RAB11FIP3: variants seen among roughly 807,000 people sequenced by gnomAD.
The protein encoded by RAB11FIP3 is rab11 family-interacting protein 3.
A neutral mutation model predicts 77.8 loss-of-function variants in RAB11FIP3; 17 were observed. The ratio of observed to expected loss-of-function variants is 0.22; its 90% confidence interval spans 0.15 to 0.33. RAB11FIP3 has a LOEUF of 0.33. Among genes scored for constraint, RAB11FIP3 ranks in the 10% least tolerant of loss-of-function variants. The pLI, the probability that RAB11FIP3 is intolerant of heterozygous loss-of-function variation, is 1.00. For synonymous variants in RAB11FIP3, 437 were observed against 448.2 expected, an observed-to-expected ratio of 0.98 and a Z score of 0.31; for missense variants, 1,005 against 1,011.2, an observed-to-expected ratio of 0.99 and a Z score of 0.08.
intron 3 of RAB11FIP3, among the ~76,000 whole-genome samples, chr16:476,125 G>A (rs1356749886): frequency 1.3e-5 from 2 of 152,210 alleles, no homozygotes; most frequent in African/African-American, 4.8e-5. Flanking sequence ...CAAAGTGCTG[G>A]GATTACAGTG....
intron 1 of RAB11FIP3, among the ~76,000 whole-genome samples, chr16:445,113 C>CAAAAAA (rs56706849): frequency 1.1e-4 from 8 of 70,796 alleles, no homozygotes; most frequent in East Asian, 4.1e-4. Context: ...GACTCTGTCT[C>CAAAAAA]AAAAAAAAAA....
In RAB11FIP3 at chr16:438,775, C is replaced by T. The variant is rs1415363751; in HGVS notation, c.714+12055C>T. Among the ~76,000 whole-genome samples, 23 of 151,966 alleles carry T rather than the reference C, an allele frequency of 1.5e-4. No individual in the cohort carries two copies. In the East Asian group the frequency reaches 1.5e-3, roughly 10 times the overall value. On this transcript the variant is annotated intron_variant, in intron 1 of 13. Coordinates refer to ENST00000262305, the MANE Select transcript of RAB11FIP3 (RefSeq NM_014700.4). ...CGCGATCTCAGCTCACTGCAACCTC[C>T]GCCTCCCAGGTTCAAGTGATTCTCC...
At chr16:438,456 A>G (rs1596190916) in intron 1 of RAB11FIP3, among the ~76,000 whole-genome samples, 1 of 127,118 alleles carries the variant, frequency 7.9e-6, no homozygotes, top group Non-Finnish European at 1.6e-5. Flanking sequence ...CCCAGGCTGG[A>G]GTGCAGTGGC....
intron 8 of RAB11FIP3, 136 bp from the exon 9 acceptor site, chr16:510,524 C>T (rs996183103): frequency 4.3e-5 from 44 of 1,022,118 alleles, no homozygotes; most frequent in Non-Finnish European, 5.1e-5. Flanking sequence ...GACCAGAGCT[C>T]GGGGATGCCC....
At chr16:431,583 T>A (rs1243927068) in intron 1 of RAB11FIP3, among the ~76,000 whole-genome samples, 1 of 151,988 alleles carries the variant, frequency 6.6e-6, no homozygotes, top group Non-Finnish European at 1.5e-5. Flanking sequence ...CCGTGTTGAC[T>A]AGGCTGGTCT....
In RAB11FIP3 at chr16:507,617, G is replaced by C. The variant is rs907370981; in HGVS notation, c.1499+1990G>C. ...GAGTATGTTCATCTGTTTTCCGTGT[G>C]TGTGGTGTGAAGTCCACACTGCCGC... On this transcript the variant is annotated intron_variant, in intron 8 of 13. Coordinates refer to ENST00000262305, the MANE Select transcript of RAB11FIP3 (RefSeq NM_014700.4). The surrounding 1 kb of genome is among the most constrained non-coding windows in gnomAD (Gnocchi z 4.6). Among the ~76,000 whole-genome samples the C allele has an allele frequency of 6.6e-6, 1 of 152,228 alleles. No individual in the cohort carries two copies. Among genetic ancestry groups the C allele is most frequent in the African/African-American group, 2.4e-5 (1 of 41,458 alleles).
chr16:452,199 G>A (rs2055419882), intron 1 of RAB11FIP3, among the ~76,000 whole-genome samples: 2 of 151,794 alleles, frequency 1.3e-5, no homozygotes, highest in South Asian at 4.2e-4. Context: ...GCTGGGCATA[G>A]TGGTGGGGGC....
At position 434,283 on chromosome 16, in the gene RAB11FIP3, G is replaced by A. The variant is rs577423574; in HGVS notation, c.714+7563G>A. Among the ~76,000 whole-genome samples the A allele has an allele frequency of 3.9e-5, 6 of 152,202 alleles. No homozygotes were observed. The East Asian group carries it at 7.7e-4, about 20-fold the overall frequency. On this transcript the variant is annotated intron_variant, in intron 1 of 13. Transcript: ENST00000262305. ...ATTACAAGCATGTGCCACCATGCTCGGCTAATTTTTTGTATTTTTAGTAGA... is the reference window on the plus strand; with the variant it reads ...ATTACAAGCATGTGCCACCATGCTCAGCTAATTTTTTGTATTTTTAGTAGA...
At position 505,733 on chromosome 16, in the gene RAB11FIP3, C is replaced by A; in HGVS notation, c.1499+106C>A. 2.1e-6 allele frequency: 2 copies of A among 964,490 alleles called. No individual in the cohort carries two copies. Among genetic ancestry groups the A allele is most frequent in the South Asian group, 1.6e-5 (1 of 61,126 alleles). 59.7% of individuals were successfully genotyped at this position (964,490 alleles called of 1,614,324 possible). The stretch of plus-strand genomic sequence containing the variant: ...CTCACACAGCAGGGGCTTGGCCACC[C>A]GTCCATCCCCGTTGGAAGCCGGCTG... On this transcript the variant is annotated intron_variant, in intron 8 of 13. Transcript: ENST00000262305. The surrounding 1 kb of genome is among the most constrained non-coding windows in gnomAD (Gnocchi z 4.0).
intron 1 of RAB11FIP3, among the ~76,000 whole-genome samples, chr16:435,032 C>T (rs958358504): frequency 1.3e-5 from 2 of 152,022 alleles, no homozygotes; most frequent in African/African-American, 2.4e-5. Flanking sequence ...GGTGAAACCC[C>T]GTCTCTACGA....
At chr16:487,125 T>A (rs2056169936) in intron 4 of RAB11FIP3, among the ~76,000 whole-genome samples, 1 of 133,722 alleles carries the variant, frequency 7.5e-6, no homozygotes, top group African/African-American at 3.0e-5. Flanking sequence ...CTCCTGGTTT[T>A]GGTTTCTTTT....
chr16:482,410 G>T (rs749698528), intron 3 of RAB11FIP3, 115 bp from the exon 4 acceptor site: 35 of 976,762 alleles, frequency 3.6e-5, no homozygotes, highest in Non-Finnish European at 4.6e-5. Context: ...GACTTCAGGC[G>T]TCAGACCCCT....
intron 3 of RAB11FIP3, among the ~76,000 whole-genome samples, chr16:475,753 A>C (rs1233426755): frequency 6.6e-6 from 1 of 152,186 alleles, no homozygotes; most frequent in African/African-American, 2.4e-5. Context: ...GGGTGGGTGC[A>C]GTCACCGAAG....
intron 1 of RAB11FIP3, among the ~76,000 whole-genome samples, chr16:454,321 G>T (rs915391234): frequency 6.6e-6 from 1 of 152,206 alleles, no homozygotes; most frequent in African/African-American, 2.4e-5. Flanking sequence ...GCTCATCCCT[G>T]TAGTTCCAGC....
At position 471,859 on chromosome 16, in the gene RAB11FIP3, G is replaced by A. The variant is rs1051290429; in HGVS notation, c.903+470G>A. Among the ~76,000 whole-genome samples the A allele has an allele frequency of 6.6e-6, 1 of 152,164 alleles. No homozygotes were observed. Among genetic ancestry groups the A allele is most frequent in the African/African-American group, 2.4e-5 (1 of 41,436 alleles). ...TGTCTCCTGTCACTGTGGGTCCCTT[G>A]TTCTCAACATAGCTGGGGAGAGGGT... is the stretch of plus-strand genomic sequence containing the variant. On this transcript the variant is annotated intron_variant, in intron 3 of 13. Transcript: ENST00000262305. The surrounding 1 kb of genome is among the most constrained non-coding windows in gnomAD (Gnocchi z 4.4).
At chr16:464,926 A>G (rs2055676034) in intron 2 of RAB11FIP3, among the ~76,000 whole-genome samples, 1 of 152,110 alleles carries the variant, frequency 6.6e-6, no homozygotes, top group Non-Finnish European at 1.5e-5. Flanking sequence ...ATTAATTCCA[A>G]ACAGAATTTT....
intron 8 of RAB11FIP3, among the ~76,000 whole-genome samples, chr16:510,137 G>A (rs984893741): frequency 8.5e-5 from 12 of 141,838 alleles, no homozygotes; most frequent in African/African-American, 2.5e-4. Flanking sequence ...GAGCGCACTC[G>A]TTGTGTGTAG....
In RAB11FIP3 at chr16:425,738, C is replaced by G. The variant is rs1316291570; in HGVS notation, c.-269C>G. 3.0e-6 allele frequency: 1 copy of G among 330,016 alleles called. No individual in the cohort carries two copies. Among genetic ancestry groups the G allele is most frequent in the Non-Finnish European group, 5.5e-6 (1 of 181,902 alleles). The allele number at this position is 330,016 out of a possible 1,614,324, so 20.4% of individuals were successfully genotyped here. Reference sequence around the variant, plus strand: ...CCCCCGGCCTCCTCGGCCCCCGTCCCCCGCCATCCGCCGCCCGGATCCTCG... The same window carrying G: ...CCCCCGGCCTCCTCGGCCCCCGTCCGCCGCCATCCGCCGCCCGGATCCTCG... On this transcript the variant is annotated 5_prime_UTR_variant, in exon 1 of 14. Transcript: ENST00000262305.
At chr16:499,235 G>A (rs907936677) in intron 6 of RAB11FIP3, among the ~76,000 whole-genome samples, 3 of 152,072 alleles carry the variant, frequency 2.0e-5, no homozygotes, top group Non-Finnish European at 4.4e-5. Flanking sequence ...AAAAAGAGAA[G>A]CATTGAGCTC....
Sources: allele counts gnomAD v4.1 joint callset (sites outside exome capture counted in the v4.1 genomes callset), GRCh38; gene constraint gnomAD v4.1.1; non-coding constraint Gnocchi (gnomAD v3.1); transcripts MANE v1.5; gene names NCBI Gene and HGNC (gene_info 2026-07-23, HGNC 2026-07-21).